The following GLIS1 variants were observed in gnomAD, a reference collection of about 807,000 sequenced individuals.
GLIS1 encodes GLIS family zinc finger 1.
GLIS1 carries 24 observed loss-of-function variants against 63.8 expected under a neutral mutation model. That is an observed-to-expected ratio of 0.38 (90% CI 0.27 to 0.53). GLIS1 has a LOEUF of 0.53. Ranked by LOEUF, GLIS1 falls within the 20% of genes least tolerant of loss-of-function variation. The pLI is 0.85. For synonymous variants in GLIS1, 450 were observed against 482.5 expected (o/e 0.93, Z 0.88); for missense variants, 1,036 against 1,074.1 (o/e 0.96, Z 0.50).
chr1:53,622,926 T>A (rs1645561306), intron 2 of GLIS1, among the ~76,000 whole-genome samples: 1 of 152,248 alleles, frequency 6.6e-6, no homozygotes, highest in African/African-American at 2.4e-5. Flanking sequence ...TCTTTGCCAT[T>A]TTCTGTTTTA....
intron 2 of GLIS1, among the ~76,000 whole-genome samples, chr1:53,640,247 C>T (rs941287589): frequency 6.6e-6 from 1 of 152,146 alleles, no homozygotes; most frequent in Non-Finnish European, 1.5e-5. Context: ...ACCTTGCCTT[C>T]CGGAGGCTCC....
intron 2 of GLIS1, among the ~76,000 whole-genome samples, chr1:53,710,612 T>C (rs1270330420): frequency 6.6e-6 from 1 of 152,210 alleles, no homozygotes; most frequent in African/African-American, 2.4e-5. Flanking sequence ...TGAGAAATTT[T>C]CAACAAGAAG....
At chr1:53,566,468 AAAAC>A (rs1644937420) in intron 4 of GLIS1, among the ~76,000 whole-genome samples, 3 of 152,272 alleles carry the variant, frequency 2.0e-5, no homozygotes, top group African/African-American at 4.8e-5. Context: ...TTTGAAATTT[AAAAC>A]AAACACAGTA....
At chr1:53,694,609 G>C (rs1646445030) in intron 2 of GLIS1, among the ~76,000 whole-genome samples, 1 of 152,220 alleles carries the variant, frequency 6.6e-6, no homozygotes, top group Non-Finnish European at 1.5e-5. Flanking sequence ...GACACCGCTG[G>C]GGTCCCAGCT....
In GLIS1 at chr1:53,556,377, AGGTGT is replaced by A. The variant is rs1644826664; in HGVS notation, c.1321-26430_1321-26426del. 1.4e-4 allele frequency among the ~76,000 whole-genome samples: 17 copies of A among 120,774 alleles called. No individual in the cohort carries two copies. In the South Asian group the frequency reaches 3.4e-3, roughly 24 times the overall value. The allele number at this position is 120,774 out of a possible 152,430, so 79.2% of individuals were successfully genotyped here. A position where few individuals can be genotyped will look rare whatever the true frequency, so the allele number is the denominator to read the frequency against. ...TGTGTGTATGCAGATGTGTCTGTGC[AGGTGT>A]ACTGCAGGTGTGTGTGTGTGTGCAG... On this transcript the variant is annotated intron_variant, in intron 4 of 10. Transcript: ENST00000628545.
intron 2 of GLIS1, among the ~76,000 whole-genome samples, chr1:53,633,037 ATG>A (rs1203201815): frequency 1.4e-4 from 17 of 117,738 alleles, no homozygotes; most frequent in African/African-American, 4.7e-4. Context: ...GGGCATGTGT[ATG>A]AGTGTGACCG....
At chr1:53,698,060 T>A (rs1646484254) in intron 2 of GLIS1, among the ~76,000 whole-genome samples, 2 of 151,850 alleles carry the variant, frequency 1.3e-5, no homozygotes, top group African/African-American at 4.8e-5. Flanking sequence ...AGGCCAACAT[T>A]CCGAGGACTC....
rs1038296519 is a variant in GLIS1 at position 53,511,708 on chromosome 1, T to C, written c.1884-1681A>G. On this transcript the variant is annotated intron_variant, in intron 8 of 10. Transcript: ENST00000628545. The surrounding 1 kb of genome is among the most constrained non-coding windows in gnomAD (Gnocchi z 4.2). ...TCAAGTGGGACAGCGTCTTCCTCTA[T>C]GCACTAGAAACCGTGGACAGCTGTG... Among the ~76,000 whole-genome samples the C allele has an allele frequency of 1.8e-4, 27 of 152,208 alleles. No individual in the cohort carries two copies. The highest frequency in any genetic ancestry group is 2.1e-4 in the Non-Finnish European group (14 of 68,012).
chr1:53,692,702 T>A (rs1646419747), intron 2 of GLIS1, among the ~76,000 whole-genome samples: 1 of 151,644 alleles, frequency 6.6e-6, no homozygotes, highest in Non-Finnish European at 1.5e-5. Context: ...TGGGGGTGAG[T>A]TTTTGGAGGG....
intron 1 of GLIS1, among the ~76,000 whole-genome samples, chr1:53,738,520 G>C (rs980768672): frequency 3.9e-5 from 6 of 152,162 alleles, no homozygotes; most frequent in African/African-American, 1.4e-4. Flanking sequence ...AAGCCCCGGA[G>C]ACGGCTCCGG....
intron 4 of GLIS1, among the ~76,000 whole-genome samples, chr1:53,553,509 C>A (rs190618109): frequency 6.6e-6 from 1 of 152,194 alleles, no homozygotes; most frequent in Non-Finnish European, 1.5e-5. Context: ...CACATGTGGT[C>A]TTGGTGCTTG....
chr1:53,537,014 C>T (rs1282644455), intron 4 of GLIS1, among the ~76,000 whole-genome samples: 1 of 152,256 alleles, frequency 6.6e-6, no homozygotes, highest in Non-Finnish European at 1.5e-5. Context: ...TTTATAGTGA[C>T]AGGCAGGGGA....
intron 2 of GLIS1, among the ~76,000 whole-genome samples, chr1:53,601,689 T>C (rs191196516): frequency 6.6e-6 from 1 of 152,268 alleles, no homozygotes; most frequent in African/African-American, 2.4e-5. Context: ...AACACACAGC[T>C]AGGAAGCCTC....
intron 2 of GLIS1, among the ~76,000 whole-genome samples, chr1:53,604,432 C>T (rs1265364354): frequency 2.0e-5 from 3 of 152,204 alleles, no homozygotes; most frequent in Non-Finnish European, 4.4e-5. Flanking sequence ...GGTGACTCCC[C>T]ACAAGAATTT....
chr1:53,516,508 C>T (rs1015390407), intron 7 of GLIS1, among the ~76,000 whole-genome samples: 6 of 151,948 alleles, frequency 3.9e-5, no homozygotes, highest in African/African-American at 1.4e-4. Context: ...GAGCACACAT[C>T]CCAGAAAGAC....
chr1:53,683,645 C>T (rs1180026418), intron 2 of GLIS1, among the ~76,000 whole-genome samples: 1 of 152,096 alleles, frequency 6.6e-6, no homozygotes, highest in Non-Finnish European at 1.5e-5. Context: ...GTTTCTAGCC[C>T]TAGCAGAAGA....
chr1:53,510,987 C>T (rs921203481), intron 8 of GLIS1, among the ~76,000 whole-genome samples: 1 of 152,224 alleles, frequency 6.6e-6, no homozygotes, highest in Non-Finnish European at 1.5e-5. Flanking sequence ...CCCAGCCCAG[C>T]CCGAGGGCCC....
intron 2 of GLIS1, among the ~76,000 whole-genome samples, chr1:53,626,068 G>A (rs989807927): frequency 3.3e-5 from 5 of 152,170 alleles, no homozygotes; most frequent in South Asian, 2.1e-4. Context: ...TTTGCTTCCT[G>A]GCAGAACCAC....
intron 2 of GLIS1, among the ~76,000 whole-genome samples, chr1:53,683,206 A>G (rs946256888): frequency 6.6e-6 from 1 of 152,142 alleles, no homozygotes; most frequent in Admixed American, 6.5e-5. Context: ...TGCACTGTGG[A>G]TATACACCAT....
Sources: allele counts gnomAD v4.1 joint callset (sites outside exome capture counted in the v4.1 genomes callset), GRCh38; gene constraint gnomAD v4.1.1; non-coding constraint Gnocchi (gnomAD v3.1); transcripts MANE v1.5; gene names NCBI Gene and HGNC (gene_info 2026-07-23, HGNC 2026-07-21).